NGF: variants seen among roughly 807,000 people sequenced by gnomAD.
The protein encoded by NGF is nerve growth factor.
A neutral mutation model predicts 12.8 loss-of-function variants in NGF; 4 were observed. The ratio of observed to expected loss-of-function variants is 0.31; its 90% CI spans 0.15 to 0.72. The LOEUF is 0.72. NGF is among the 30% of genes least tolerant of loss of function. NGF has a pLI of 0.69. For missense variants in NGF, 283 were observed against 330.8 expected (o/e 0.86, Z 1.12); for synonymous variants, 140 against 130.0 (o/e 1.08, Z -0.52).
chr1:115,305,660 C>T (rs1557940444), intron 1 of NGF, among the ~76,000 whole-genome samples: 1 of 152,190 alleles, frequency 6.6e-6, no homozygotes, highest in Non-Finnish European at 1.5e-5. Flanking sequence ...AGGGAGCTCC[C>T]TCCTCATGAA....
chr1:115,336,574 G>A (rs1467279873), intron 1 of NGF, among the ~76,000 whole-genome samples: 3 of 152,196 alleles, frequency 2.0e-5, no homozygotes, highest in South Asian at 2.1e-4. Flanking sequence ...TCAGGTTGAC[G>A]TATGACTTAT....
At position 115,286,409 on chromosome 1, in the gene NGF, G is replaced by A. The variant is rs747348126; in HGVS notation, c.387C>T (p.His129=). 4 of 1,613,812 alleles carry A rather than the reference G, an allele frequency of 2.5e-6. No homozygotes were observed. The East Asian group carries it at 8.9e-5, about 36-fold the overall frequency. Residue 129 remains histidine (H), a synonymous_variant, in exon 3 of 3, where the codon CAC becomes CAT. Transcript: ENST00000369512. ...SKRSSSHPIF[H]RGEFSVCDSV... is the part of the protein sequence containing the mutation. ...TGTCACACACCGAGAATTCGCCCCT[G>A]TGGAAGATGGGATGGGATGATGACC...
chr1:115,310,646 T>C (rs748999729), intron 1 of NGF, among the ~76,000 whole-genome samples: 10 of 152,194 alleles, frequency 6.6e-5, no homozygotes, highest in Non-Finnish European at 1.2e-4. Flanking sequence ...ACATATTCCC[T>C]GTAATTGGAA....
intron 1 of NGF, among the ~76,000 whole-genome samples, chr1:115,306,935 C>T (rs898818757): frequency 6.6e-6 from 1 of 152,194 alleles, no homozygotes; most frequent in Non-Finnish European, 1.5e-5. Context: ...GGGTATCTGA[C>T]AATATTGGTA....
At chr1:115,337,220 C>G (rs1175072282) in intron 1 of NGF, among the ~76,000 whole-genome samples, 7 of 142,206 alleles carry the variant, frequency 4.9e-5, no homozygotes, top group Non-Finnish European at 7.5e-5. Context: ...AGTTCAAGCA[C>G]GAAACACCTT....
chr1:115,308,254 C>T (rs548114167), intron 1 of NGF, among the ~76,000 whole-genome samples: 1 of 152,274 alleles, frequency 6.6e-6, no homozygotes, highest in South Asian at 2.1e-4. Flanking sequence ...ACTGCCATGC[C>T]CCTGTCACTG....
chr1:115,324,870 C>T (rs1318488809), intron 1 of NGF, among the ~76,000 whole-genome samples: 3 of 152,172 alleles, frequency 2.0e-5, no homozygotes, highest in Non-Finnish European at 4.4e-5. Context: ...TTGAATTACT[C>T]ATTTGACAAA....
intron 1 of NGF, among the ~76,000 whole-genome samples, chr1:115,321,655 A>G (rs1311697899): frequency 6.7e-6 from 1 of 149,892 alleles, no homozygotes; most frequent in Non-Finnish European, 1.5e-5. Flanking sequence ...ATGATAGAGC[A>G]TGCAGGAGGG....
intron 1 of NGF, among the ~76,000 whole-genome samples, chr1:115,304,029 C>A (rs1013137340): frequency 6.6e-6 from 1 of 151,696 alleles, no homozygotes; most frequent in Non-Finnish European, 1.5e-5. Context: ...TTTTTCTTTT[C>A]TTTTGTCAGC....
chr1:115,310,812 GC>G (rs1654316675), intron 1 of NGF, among the ~76,000 whole-genome samples: 1 of 147,262 alleles, frequency 6.8e-6, no homozygotes, highest in Non-Finnish European at 1.5e-5. Flanking sequence ...AAAGAATCCA[GC>G]AAGCATATAT....
chr1:115,299,912 T>C (rs918869906), intron 1 of NGF, among the ~76,000 whole-genome samples: 2 of 152,178 alleles, frequency 1.3e-5, no homozygotes, highest in Admixed American at 1.3e-4. Context: ...CAGGTTCTCA[T>C]ATAATCATAA....
intron 2 of NGF, among the ~76,000 whole-genome samples, chr1:115,289,900 G>A (rs1054727735): frequency 1.3e-5 from 2 of 152,062 alleles, no homozygotes; most frequent in Non-Finnish European, 2.9e-5. Flanking sequence ...GCATTATCTT[G>A]AAACTGTATT....
intron 1 of NGF, among the ~76,000 whole-genome samples, chr1:115,326,104 C>T (rs571663483): frequency 7.2e-5 from 11 of 151,790 alleles, no homozygotes; most frequent in African/African-American, 2.4e-4. Flanking sequence ...AGGAAGAGGG[C>T]GATCTAGAAA....
chr1:115,321,576 ATG>A (rs59590858), intron 1 of NGF, among the ~76,000 whole-genome samples: 11,469 of 132,932 alleles, frequency 0.086, 562 homozygotes, highest in Non-Finnish European at 0.11. Context: ...TGTGTATGGG[ATG>A]TGTGTGTGTG....
rs148051565 is a variant in NGF at position 115,304,830 on chromosome 1, C to T, written c.-136-11080G>A. On this transcript the variant is annotated intron_variant, in intron 1 of 2. Transcript: ENST00000369512. Reference sequence around the variant, plus strand: ...CACCCCAGCGGGAGAAGTGGCAGGACAGCTGTCTGAGGAGGAGGCCTAGAC... The same window carrying T: ...CACCCCAGCGGGAGAAGTGGCAGGATAGCTGTCTGAGGAGGAGGCCTAGAC... 5.6e-4 allele frequency among the ~76,000 whole-genome samples: 86 copies of T among 152,276 alleles called. No individual in the cohort carries two copies. The East Asian group carries it at 0.013, about 23-fold the overall frequency.
At chr1:115,328,004 C>G (rs1654821153) in intron 1 of NGF, among the ~76,000 whole-genome samples, 1 of 152,196 alleles carries the variant, frequency 6.6e-6, no homozygotes, top group Non-Finnish European at 1.5e-5. Context: ...CGCCTTCTGT[C>G]CCACTACCTT....
intron 1 of NGF, among the ~76,000 whole-genome samples, chr1:115,331,906 C>T (rs1654931447): frequency 6.6e-6 from 1 of 152,192 alleles, no homozygotes; most frequent in South Asian, 2.1e-4. Flanking sequence ...AAAATCTATC[C>T]AGTAGCCTCA....
intron 1 of NGF, among the ~76,000 whole-genome samples, chr1:115,297,795 G>C (rs1463187316): frequency 4.6e-5 from 7 of 152,108 alleles, no homozygotes; most frequent in Non-Finnish European, 7.3e-5. Flanking sequence ...CTCAACTTTG[G>C]TTGTAGCTTG....
intron 1 of NGF, among the ~76,000 whole-genome samples, chr1:115,311,834 G>C (rs748882113): frequency 8.5e-5 from 13 of 152,130 alleles, no homozygotes; most frequent in Non-Finnish European, 1.5e-4. Flanking sequence ...CATAAGATCT[G>C]GATGACAACA....
Sources: allele counts gnomAD v4.1 joint callset (sites outside exome capture counted in the v4.1 genomes callset), GRCh38; gene constraint gnomAD v4.1.1; transcripts MANE v1.5; gene names NCBI Gene and HGNC (gene_info 2026-07-23, HGNC 2026-07-21).